The following CWC27 variants were observed in gnomAD, a reference collection of about 807,000 sequenced individuals.
The protein encoded by CWC27 is spliceosome-associated protein CWC27 homolog.
A neutral mutation model predicts 63.6 loss-of-function variants in CWC27; 47 were observed. The observed-to-expected ratio is 0.74, with a 90% CI of 0.58 to 0.94. CWC27 has a LOEUF of 0.94. Among genes scored for constraint, CWC27 ranks in the 40% least tolerant of loss-of-function variants. The probability of loss-of-function intolerance (pLI) is 0.00; values close to 1 mark genes in which losing one functional copy is unlikely to be tolerated. For synonymous variants in CWC27, 175 were observed against 179.8 expected (o/e 0.97, Z 0.22); for missense variants, 495 against 554.3 (o/e 0.89, Z 1.07).
intron 6 of CWC27, among the ~76,000 whole-genome samples, chr5:64,788,694 C>G (rs1743967230): frequency 6.6e-6 from 1 of 151,830 alleles, no homozygotes; most frequent in African/African-American, 2.4e-5. Context: ...TGGTAATGCT[C>G]AGAAGGGATT....
rs144167865 is a variant in CWC27, at chr5:64,898,704, C to T, written c.1042+13158C>T. Among the ~76,000 whole-genome samples the T allele has an allele frequency of 2.1e-3, 316 of 152,006 alleles. 1 individual carries two copies. Among genetic ancestry groups the T allele is most frequent in the African/African-American group, 7.5e-3 (309 of 41,470 alleles). On this transcript the variant is annotated intron_variant, in intron 11 of 13. Transcript: ENST00000381070. ...CAGATGGATAAAGACTCAAAAAATG[C>T]CATGTTTAAATAAGATTGAGGATTA...
intron 13 of CWC27, among the ~76,000 whole-genome samples, chr5:64,991,022 A>G (rs774028659): frequency 6.6e-6 from 1 of 152,240 alleles, no homozygotes; most frequent in Non-Finnish European, 1.5e-5. Flanking sequence ...ACTCATTCCC[A>G]TTGATTTATT....
At chr5:64,839,392 T>C (rs1745744791) in intron 10 of CWC27, among the ~76,000 whole-genome samples, 1 of 152,212 alleles carries the variant, frequency 6.6e-6, no homozygotes, top group Admixed American at 6.5e-5. Context: ...TGAGTAGTTA[T>C]ATATGATACA....
chr5:64,979,880 T>C (rs1329964067), intron 13 of CWC27, among the ~76,000 whole-genome samples: 1 of 151,658 alleles, frequency 6.6e-6, no homozygotes, highest in African/African-American at 2.4e-5. Context: ...CAAATTATTC[T>C]ATTCGCATTT....
chr5:64,860,545 T>C (rs190653689), intron 10 of CWC27, among the ~76,000 whole-genome samples: 186 of 152,324 alleles, frequency 1.2e-3, no homozygotes, highest in African/African-American at 4.4e-3. Flanking sequence ...CTTTTGGCTG[T>C]TTTGACCATG....
At chr5:64,780,836 T>G (rs1580586329) in intron 2 of CWC27, among the ~76,000 whole-genome samples, 1 of 152,090 alleles carries the variant, frequency 6.6e-6, no homozygotes, top group Middle Eastern at 3.4e-3. Flanking sequence ...CAACACTTAT[T>G]CTTTTAAGGT....
At chr5:64,943,819 T>G (rs1748538106) in intron 11 of CWC27, among the ~76,000 whole-genome samples, 2 of 152,294 alleles carry the variant, frequency 1.3e-5, no homozygotes, top group Admixed American at 1.3e-4. Context: ...TTTGGGCCTT[T>G]CTTTTCATAG....
intron 11 of CWC27, among the ~76,000 whole-genome samples, chr5:64,891,835 C>T (rs1163344507): frequency 6.6e-6 from 1 of 151,508 alleles, no homozygotes; most frequent in African/African-American, 2.4e-5. Context: ...CTCTCTGTCT[C>T]CCAGGTTGGA....
chr5:65,010,098 G>A (rs919368320), intron 13 of CWC27, among the ~76,000 whole-genome samples: 1 of 152,180 alleles, frequency 6.6e-6, no homozygotes, highest in Admixed American at 6.5e-5. Context: ...TACCACAGAG[G>A]TTTCATAGAA....
intron 11 of CWC27, among the ~76,000 whole-genome samples, chr5:64,894,149 C>T (rs1170389523): frequency 2.6e-5 from 4 of 152,006 alleles, no homozygotes; most frequent in African/African-American, 4.8e-5. Context: ...AGGCTGGTCT[C>T]GAACTCCAGA....
At chr5:64,777,746 A>G (rs1743507578) in intron 2 of CWC27, among the ~76,000 whole-genome samples, 1 of 152,152 alleles carries the variant, frequency 6.6e-6, no homozygotes, top group African/African-American at 2.4e-5. Context: ...ATAAAAATTT[A>G]AGAAAATCAA....
chr5:64,957,282 A>AT (rs920729506), intron 11 of CWC27, among the ~76,000 whole-genome samples: 8 of 150,858 alleles, frequency 5.3e-5, no homozygotes, highest in South Asian at 4.2e-4. Flanking sequence ...ATCTTGAAGA[A>AT]TTTTTTTTTT....
At chr5:64,940,064 G>T (rs979862070) in intron 11 of CWC27, among the ~76,000 whole-genome samples, 2 of 152,192 alleles carry the variant, frequency 1.3e-5, no homozygotes, top group African/African-American at 4.8e-5. Flanking sequence ...CTGTGGGGGT[G>T]GGATCCACTG....
In CWC27 at chr5:65,018,511, T is replaced by C. The variant is rs1464059725; in HGVS notation, c.*190T>C. 1 of 451,532 alleles carries C rather than the reference T, an allele frequency of 2.2e-6. No individual in the cohort carries two copies. Among genetic ancestry groups the C allele is most frequent in the African/African-American group, 2.0e-5 (1 of 48,922 alleles). The allele number at this position is 451,532 out of a possible 1,614,324, so 28.0% of individuals were successfully genotyped here. ...GTAAGCAAATGCTTTTGGTTACTGG[T>C]ACATGTGTTTTTTCCTAGCTGACCT... is the stretch of plus-strand genomic sequence containing the variant. On this transcript the variant is annotated 3_prime_UTR_variant, in exon 14 of 14. Transcript: ENST00000381070.
chr5:64,806,659 C>T (rs1376308949), intron 10 of CWC27, among the ~76,000 whole-genome samples: 1 of 152,020 alleles, frequency 6.6e-6, no homozygotes, highest in Non-Finnish European at 1.5e-5. Flanking sequence ...CTCATGACCA[C>T]GTATTTTTTT....
At chr5:64,967,634 T>C (rs1335845413) in intron 11 of CWC27, among the ~76,000 whole-genome samples, 1 of 151,944 alleles carries the variant, frequency 6.6e-6, no homozygotes, top group African/African-American at 2.4e-5. Flanking sequence ...TGTGGTCAAT[T>C]GATTTTCAAG....
intron 11 of CWC27, among the ~76,000 whole-genome samples, chr5:64,942,438 TAAAAAAAAAAAAAA>T (rs35936421): frequency 1.0e-5 from 1 of 96,552 alleles, no homozygotes; most frequent in Non-Finnish European, 2.0e-5. Context: ...CCTATCTCTT[TAAAAAAAAAAAAAA>T]AAAAAAAAGA....
intron 10 of CWC27, chr5:64,807,732 A>G: frequency 6.5e-7 from 1 of 1,535,472 alleles, no homozygotes. Flanking sequence ...CTTATTACTC[A>G]CTCGCCACAA....
In CWC27 at chr5:64,915,238, A is replaced by T. The variant is rs182474726; in HGVS notation, c.1042+29692A>T. 2.0e-3 allele frequency among the ~76,000 whole-genome samples: 310 copies of T among 152,280 alleles called. 3 individuals are homozygous for T. The highest frequency in any genetic ancestry group is 7.2e-3 in the African/African-American group (301 of 41,578). ...TGTTCAAATACTTTTTGGAAGTGGT[A>T]GTATGGGCTTGTATATTTACAGTAG... On this transcript the variant is annotated intron_variant, in intron 11 of 13. Coordinates refer to ENST00000381070, the MANE Select transcript of CWC27 (RefSeq NM_005869.4).
Sources: gnomAD v4.1 joint callset for allele counts (sites outside exome capture counted in the v4.1 genomes callset) on GRCh38, gnomAD v4.1.1 for gene constraint, MANE v1.5 for transcripts, NCBI Gene and HGNC (gene_info 2026-07-23, HGNC 2026-07-21) for gene names.